The following LINGO2 variants were observed in gnomAD, a reference collection of about 807,000 sequenced individuals.
LINGO2 encodes leucine-rich repeat and immunoglobulin-like domain-containing nogo receptor-interacting protein 2.
In LINGO2, 14 loss-of-function variants were observed where a neutral mutation model predicts 30.6. The ratio of observed to expected loss-of-function variants is 0.46; its 90% CI spans 0.30 to 0.72. LINGO2 has a LOEUF of 0.72. LINGO2 is among the 30% of genes least tolerant of loss of function. The probability of loss-of-function intolerance (pLI) is 0.07; values close to 1 mark genes in which losing one functional copy is unlikely to be tolerated. For missense variants in LINGO2, 729 were observed against 751.7 expected (o/e 0.97, Z 0.35); for synonymous variants, 317 against 288.5 (o/e 1.10, Z -1.00).
rs867952542 is a variant in LINGO2 at position 27,957,582 on chromosome 9, C to T, written c.-35-6876G>A. ...TGCTGGGATTACAGGCGTGAGCCAC[C>T]GCACCCGGCCACTGTAGCTTTTTAT... is the stretch of plus-strand genomic sequence containing the variant. On this transcript the variant is annotated intron_variant, in intron 5 of 5. Transcript: ENST00000379992. 3.8e-4 allele frequency among the ~76,000 whole-genome samples: 58 copies of T among 152,264 alleles called. 4 individuals carry two copies. The highest frequency in any genetic ancestry group is 3.3e-4 in the Admixed American group (5 of 15,298).
At chr9:28,431,029 T>TGGGAGA (rs1823650344) in intron 2 of LINGO2, among the ~76,000 whole-genome samples, 1 of 129,358 alleles carries the variant, frequency 7.7e-6, no homozygotes, top group Non-Finnish European at 1.6e-5. Context: ...GCATGAGTGA[T>TGGGAGA]GAGAGAGAGA....
chr9:28,718,129 A>G, the LINGO2 span, among the ~76,000 whole-genome samples: 1 of 151,934 alleles, frequency 6.6e-6, no homozygotes, highest in Non-Finnish European at 1.5e-5. Flanking sequence ...GAAAAGCTTC[A>G]TGGGGGAGAT....
chr9:29,110,125 C>CAT, the LINGO2 span, among the ~76,000 whole-genome samples: 35,787 of 151,952 alleles, frequency 0.24, 4,315 homozygotes, highest in East Asian at 0.4. Flanking sequence ...ATATGCAAGA[C>CAT]GTGCATGTGA....
chr9:29,053,545 A>G, the LINGO2 span, among the ~76,000 whole-genome samples: 1 of 152,208 alleles, frequency 6.6e-6, no homozygotes, highest in South Asian at 2.1e-4. Flanking sequence ...CATGTACCCT[A>G]AAACTTAAAG....
the LINGO2 span, among the ~76,000 whole-genome samples, chr9:28,746,769 T>C: frequency 1.3e-5 from 2 of 152,212 alleles, no homozygotes; most frequent in South Asian, 4.1e-4. Flanking sequence ...AACTGTGTGA[T>C]TTTTATGACA....
chr9:28,032,120 C>T (rs1823708915), intron 4 of LINGO2, among the ~76,000 whole-genome samples: 1 of 151,992 alleles, frequency 6.6e-6, no homozygotes, highest in Non-Finnish European at 1.5e-5. Flanking sequence ...CAGCTTTGGC[C>T]TTTGAAAACC....
At chr9:28,985,111 A>G in the LINGO2 span, among the ~76,000 whole-genome samples, 1 of 152,146 alleles carries the variant, frequency 6.6e-6, no homozygotes, top group African/African-American at 2.4e-5. Context: ...AAGTGAAAAC[A>G]TGCAGTATTT....
chr9:28,876,346 C>T, the LINGO2 span, among the ~76,000 whole-genome samples: 1 of 151,906 alleles, frequency 6.6e-6, no homozygotes, highest in South Asian at 2.1e-4. Context: ...GTGTGCTGCA[C>T]CCATTAACTC....
intron 4 of LINGO2, among the ~76,000 whole-genome samples, chr9:28,288,910 T>C (rs144491516): frequency 9.8e-5 from 15 of 152,332 alleles, no homozygotes; most frequent in African/African-American, 3.6e-4. Context: ...TAATGGGGCA[T>C]ACTATTATCA....
At chr9:28,662,822 C>G (rs927356158) in intron 1 of LINGO2, among the ~76,000 whole-genome samples, 13 of 152,060 alleles carry the variant, frequency 8.5e-5, no homozygotes, top group African/African-American at 2.7e-4. Flanking sequence ...CACCTATTTC[C>G]AAAGAGATCC....
intron 4 of LINGO2, among the ~76,000 whole-genome samples, chr9:28,214,625 G>T (rs927463436): frequency 6.6e-6 from 1 of 151,394 alleles, no homozygotes; most frequent in African/African-American, 2.4e-5. Flanking sequence ...AGCCCACAGA[G>T]GTATAGCTCT....
At chr9:29,158,945 T>C in the LINGO2 span, among the ~76,000 whole-genome samples, 1 of 152,208 alleles carries the variant, frequency 6.6e-6, no homozygotes. Context: ...CTAAGAGTTA[T>C]GAAAGAGAAG....
At chr9:28,993,720 A>G in the LINGO2 span, among the ~76,000 whole-genome samples, 1 of 150,398 alleles carries the variant, frequency 6.6e-6, no homozygotes, top group Non-Finnish European at 1.5e-5. Context: ...ATATACGCAA[A>G]TCAATAAATG....
the LINGO2 span, among the ~76,000 whole-genome samples, chr9:28,746,665 C>T: frequency 1.3e-5 from 2 of 151,798 alleles, no homozygotes; most frequent in Admixed American, 6.6e-5. Flanking sequence ...ATAATATTAC[C>T]TACTCCACTT....
chr9:28,427,188 A>G (rs7040944), intron 2 of LINGO2, among the ~76,000 whole-genome samples: 5,521 of 152,144 alleles, frequency 0.036, 339 homozygotes, highest in African/African-American at 0.12. Context: ...AGGGATACAA[A>G]TATGTTAAAA....
At chr9:29,191,964 T>G in the LINGO2 span, among the ~76,000 whole-genome samples, 1 of 152,198 alleles carries the variant, frequency 6.6e-6, no homozygotes, top group East Asian at 1.9e-4. Flanking sequence ...TATCTCCAGG[T>G]AATTTTATTC....
At chr9:28,713,409 TC>T in the LINGO2 span, among the ~76,000 whole-genome samples, 1 of 152,144 alleles carries the variant, frequency 6.6e-6, no homozygotes, top group African/African-American at 2.4e-5. Context: ...CAATTTGCCC[TC>T]CGTTTCCCAG....
At chr9:29,137,373 C>T in the LINGO2 span, among the ~76,000 whole-genome samples, 5 of 152,076 alleles carry the variant, frequency 3.3e-5, no homozygotes, top group Admixed American at 2.6e-4. Context: ...TACACATCTC[C>T]CTGCCTGGGT....
the LINGO2 span, among the ~76,000 whole-genome samples, chr9:29,166,749 T>G: frequency 6.6e-6 from 1 of 152,144 alleles, no homozygotes; most frequent in African/African-American, 2.4e-5. Flanking sequence ...TCCAATTTGT[T>G]GAACTCTTAA....
Sources: allele counts gnomAD v4.1 joint callset (sites outside exome capture counted in the v4.1 genomes callset), GRCh38; gene constraint gnomAD v4.1.1; transcripts MANE v1.5; gene names NCBI Gene and HGNC (gene_info 2026-07-23, HGNC 2026-07-21).